Variants in GALNT18 observed in about 807,000 individuals in gnomAD.
GALNT18 encodes GalNAc-transferase 18.
A neutral mutation model predicts 69.5 loss-of-function variants in GALNT18; 44 were observed. The ratio of observed to expected loss-of-function variants is 0.63; its 90% CI spans 0.50 to 0.81. The LOEUF is 0.81. Among genes scored for constraint, GALNT18 ranks in the 40% least tolerant of loss-of-function variants. The pLI is 0.00. For missense variants in GALNT18, 715 were observed against 810.0 expected (o/e 0.88, Z 1.42); for synonymous variants, 364 against 318.2 (o/e 1.14, Z -1.53).
chr11:11,295,852 C>A (rs573428197), intron 9 of GALNT18, among the ~76,000 whole-genome samples: 64 of 152,116 alleles, frequency 4.2e-4, no homozygotes, highest in Non-Finnish European at 7.9e-4. Context: ...GGATGTCCAG[C>A]TTTGATGTGG....
Position 11,586,337 on chromosome 11 carries a change from T to C in GALNT18, c.235+35022A>G, listed in dbSNP as rs1409057012. Among the ~76,000 whole-genome samples, 1 of 152,254 alleles carries C rather than the reference T, an allele frequency of 6.6e-6. No individual in the cohort carries two copies. Among genetic ancestry groups the C allele is most frequent in the Admixed American group, 6.5e-5 (1 of 15,284 alleles). On this transcript the variant is annotated intron_variant, in intron 1 of 10. Coordinates refer to ENST00000227756, the MANE Select transcript of GALNT18 (RefSeq NM_198516.3). The surrounding 1 kb of genome is among the most constrained non-coding windows in gnomAD (Gnocchi z 4.1). Reference sequence around the variant, plus strand: ...AAATTTTCTCAGTTTAAATTTCTATTGTGGCAAATATTAACTGATACAACC... The same window carrying C: ...AAATTTTCTCAGTTTAAATTTCTATCGTGGCAAATATTAACTGATACAACC...
chr11:11,555,503 C>T lies in GALNT18; in HGVS notation c.235+65856G>A, dbSNP rs999872632. On this transcript the variant is annotated intron_variant, in intron 1 of 10. Transcript: ENST00000227756. This position sits in a 1 kb window ranked among gnomAD's most constrained non-coding sequence, Gnocchi z 4.7. ...TCTCCTGTGACAAAGCTCTCCTGGG[C>T]CCTGGCTACTGACTTTAACCTGGCT... Among the ~76,000 whole-genome samples the T allele has an allele frequency of 6.6e-6, 1 of 152,194 alleles. No homozygotes were observed. Among genetic ancestry groups the T allele is most frequent in the East Asian group, 1.9e-4 (1 of 5,190 alleles).
intron 10 of GALNT18, among the ~76,000 whole-genome samples, chr11:11,292,023 C>T (rs1026672951): frequency 6.6e-6 from 1 of 152,132 alleles, no homozygotes; most frequent in Non-Finnish European, 1.5e-5. Context: ...GCAGTGCCCC[C>T]AGCAGCCTCC....
intron 1 of GALNT18, among the ~76,000 whole-genome samples, chr11:11,512,993 T>C (rs1857194145): frequency 6.6e-6 from 1 of 152,206 alleles, no homozygotes; most frequent in Non-Finnish European, 1.5e-5. Flanking sequence ...GAAAAGGCAC[T>C]GGATATTAAG....
In GALNT18 at chr11:11,598,002, G is replaced by A. The variant is rs1008707249; in HGVS notation, c.235+23357C>T. On this transcript the variant is annotated intron_variant, in intron 1 of 10. Transcript: ENST00000227756. This position sits in a 1 kb window ranked among gnomAD's most constrained non-coding sequence, Gnocchi z 4.8. ...TTTTGCCTTTGTCAGTCTATCTAAAGTTCTGTCCATTTTATTGACCTTTTC... is the reference window on the plus strand; with the variant it reads ...TTTTGCCTTTGTCAGTCTATCTAAAATTCTGTCCATTTTATTGACCTTTTC... Among the ~76,000 whole-genome samples the A allele has an allele frequency of 2.0e-5, 3 of 152,058 alleles. No homozygotes were observed. The highest frequency in any genetic ancestry group is 2.9e-5 in the Non-Finnish European group (2 of 68,018).
chr11:11,556,087 T>C (rs2133975740), intron 1 of GALNT18, among the ~76,000 whole-genome samples: 1 of 152,330 alleles, frequency 6.6e-6, no homozygotes, highest in Non-Finnish European at 1.5e-5. Context: ...TCAGGTTTCA[T>C]GGAGGAAACT....
chr11:11,407,658 G>A (rs2133750111), intron 3 of GALNT18, among the ~76,000 whole-genome samples: 1 of 152,334 alleles, frequency 6.6e-6, no homozygotes, highest in South Asian at 2.1e-4. Flanking sequence ...ATCCCAGACA[G>A]TCAGGAGGCA....
chr11:11,571,883 A>C (rs547804925), intron 1 of GALNT18, among the ~76,000 whole-genome samples: 1 of 152,334 alleles, frequency 6.6e-6, no homozygotes, highest in East Asian at 1.9e-4. Flanking sequence ...GAAGGTGTTT[A>C]TTCATTCCAG....
At chr11:11,279,572 T>C (rs1400521572) in intron 10 of GALNT18, among the ~76,000 whole-genome samples, 1 of 146,080 alleles carries the variant, frequency 6.8e-6, no homozygotes, top group Non-Finnish European at 1.5e-5. Context: ...TGGAAACCTA[T>C]ATAGCAACAA....
At chr11:11,275,917 G>T (rs770120886) in intron 10 of GALNT18, among the ~76,000 whole-genome samples, 11 of 152,200 alleles carry the variant, frequency 7.2e-5, no homozygotes, top group Admixed American at 1.3e-4. Flanking sequence ...CCAGTACCAT[G>T]CTGTTTTGGT....
Position 11,573,815 on chromosome 11 carries a change from G to C in GALNT18, c.235+47544C>G, listed in dbSNP as rs1370218363. On this transcript the variant is annotated intron_variant, in intron 1 of 10. Coordinates refer to ENST00000227756, the MANE Select transcript of GALNT18 (RefSeq NM_198516.3). This position sits in a 1 kb window ranked among gnomAD's most constrained non-coding sequence, Gnocchi z 4.6. ...CGTCGACGGTGACTTCCCGAGGCTG[G>C]ACGGCGATCCTTCCCACTGCAGAAG... The C allele has an allele frequency of 2.0e-5, 3 of 152,352 alleles. No individual in the cohort carries two copies. Among genetic ancestry groups the C allele is most frequent in the Non-Finnish European group, 4.4e-5 (3 of 68,164 alleles). 9.4% of individuals were successfully genotyped at this position (152,352 alleles called of 1,614,324 possible).
At chr11:11,381,417 AC>A (rs1370410509) in intron 3 of GALNT18, among the ~76,000 whole-genome samples, 5 of 151,710 alleles carry the variant, frequency 3.3e-5, no homozygotes, top group South Asian at 4.2e-4. Flanking sequence ...TCCCTCCTCA[AC>A]CCTCAGGTGA....
In GALNT18 at chr11:11,341,572, T is replaced by C. The variant is rs1365416430; in HGVS notation, c.1093-568A>G. 6.6e-6 allele frequency among the ~76,000 whole-genome samples: 1 copy of C among 152,158 alleles called. No homozygotes were observed. Among genetic ancestry groups the C allele is most frequent in the Non-Finnish European group, 1.5e-5 (1 of 68,034 alleles). On this transcript the variant is annotated intron_variant, in intron 6 of 10. Coordinates refer to ENST00000227756, the MANE Select transcript of GALNT18 (RefSeq NM_198516.3). The surrounding 1 kb of genome is among the most constrained non-coding windows in gnomAD (Gnocchi z 6.3). ...GAGCGCTGCAAAGAAGGAAATGATA[T>C]TAAACTTCTTAGCAACCTTGGTGAA...
At chr11:11,609,996 G>A (rs905227565) in intron 1 of GALNT18, among the ~76,000 whole-genome samples, 11 of 152,034 alleles carry the variant, frequency 7.2e-5, no homozygotes, top group African/African-American at 2.7e-4. Flanking sequence ...GCCTGCTCCT[G>A]GGGGAAAAAA....
intron 3 of GALNT18, among the ~76,000 whole-genome samples, chr11:11,411,692 G>A (rs1023494940): frequency 5.3e-5 from 8 of 152,222 alleles, no homozygotes; most frequent in Admixed American, 3.9e-4. Flanking sequence ...GCATGAGATG[G>A]AGATTCCTGA....
chr11:11,326,042 T>A (rs933521440), intron 9 of GALNT18, among the ~76,000 whole-genome samples: 1 of 12,068 alleles, frequency 8.3e-5, no homozygotes, highest in African/African-American at 3.7e-4. Context: ...GCTAAATATC[T>A]TTTTTTTTTT....
chr11:11,340,930 G>A lies in GALNT18; in HGVS notation c.1167C>T (p.Pro389=), dbSNP rs74703597. 6.8e-5 allele frequency: 110 copies of A among 1,614,052 alleles called. No homozygotes were observed. The African/African-American group carries it at 1.1e-3, about 17-fold the overall frequency. ...CATGGGCGGTGAGGTCCTCTGTGTAGGGCTTGTGGGCTCGCTCAATGTGGG... is the reference window on the plus strand; with the variant it reads ...CATGGGCGGTGAGGTCCTCTGTGTAAGGCTTGTGGGCTCGCTCAATGTGGG... The part of the protein sequence containing the change: ...RIAHIERAHK[P]YTEDLTAHVR... The change falls in exon 7 of 11, where the codon CCC becomes CCT. Residue 389 remains proline (P), a synonymous_variant. Coordinates refer to ENST00000227756, the MANE Select transcript of GALNT18 (RefSeq NM_198516.3). The surrounding 1 kb of genome is among the most constrained non-coding windows in gnomAD (Gnocchi z 4.2).
chr11:11,277,208 A>G (rs900353380), intron 10 of GALNT18, among the ~76,000 whole-genome samples: 3 of 152,174 alleles, frequency 2.0e-5, no homozygotes, highest in African/African-American at 2.4e-5. Context: ...TGGTCTATTC[A>G]GAGATTCAAC....
intron 10 of GALNT18, among the ~76,000 whole-genome samples, chr11:11,282,144 C>T (rs1849092335): frequency 6.6e-6 from 1 of 152,170 alleles, no homozygotes; most frequent in Non-Finnish European, 1.5e-5. Flanking sequence ...TCCTGTCCCC[C>T]TTCTTGACCT....
Sources: allele counts gnomAD v4.1 joint callset (sites outside exome capture counted in the v4.1 genomes callset), GRCh38; gene constraint gnomAD v4.1.1; non-coding constraint Gnocchi (gnomAD v3.1); transcripts MANE v1.5; gene names NCBI Gene and HGNC (gene_info 2026-07-23, HGNC 2026-07-21).